ERC1: variants seen among roughly 807,000 people sequenced by gnomAD.
ERC1 encodes ELKS/RAB6-interacting/CAST family member 1.
In ERC1, 56 loss-of-function variants were observed where a neutral mutation model predicts 132.0. The ratio of observed to expected loss-of-function variants is 0.42; its 90% CI spans 0.34 to 0.53. ERC1 has a LOEUF of 0.53. Ranked by LOEUF, ERC1 falls within the 20% of genes least tolerant of loss-of-function variation. ERC1 has a pLI of 0.03. For synonymous variants in ERC1, 478 were observed against 476.1 expected (o/e 1.00, Z -0.05); for missense variants, 1,202 against 1,349.9 (o/e 0.89, Z 1.72).
At chr12:1,164,435 C>T (rs1431228142) in intron 8 of ERC1, among the ~76,000 whole-genome samples, 4 of 152,026 alleles carry the variant, frequency 2.6e-5, no homozygotes, top group South Asian at 2.1e-4. Context: ...CTCTGCCTCC[C>T]GGGTTCACAC....
chr12:1,461,608 C>T (rs1041410566), intron 18 of ERC1, among the ~76,000 whole-genome samples: 2 of 151,970 alleles, frequency 1.3e-5, no homozygotes, highest in African/African-American at 4.8e-5. Flanking sequence ...GCAGAGGTTG[C>T]GTGAGCTGAG....
chr12:1,262,541 T>A (rs2077206746), intron 13 of ERC1, among the ~76,000 whole-genome samples: 1 of 152,262 alleles, frequency 6.6e-6, no homozygotes, highest in African/African-American at 2.4e-5. Flanking sequence ...CTTTTCAATG[T>A]CTTTTAAGAA....
At chr12:1,093,953 T>A (rs368396786) in intron 3 of ERC1, among the ~76,000 whole-genome samples, 6 of 23,796 alleles carry the variant, frequency 2.5e-4, no homozygotes, top group African/African-American at 3.7e-4. Flanking sequence ...ATATATATAT[T>A]TTTCTATATA....
intron 8 of ERC1, among the ~76,000 whole-genome samples, chr12:1,180,240 T>A (rs1954252953): frequency 6.6e-6 from 1 of 150,918 alleles, no homozygotes; most frequent in Non-Finnish European, 1.5e-5. Flanking sequence ...CTACTTTTCT[T>A]ATTTTGTTAG....
At chr12:1,446,459 G>T (rs1157924275) in intron 18 of ERC1, among the ~76,000 whole-genome samples, 1 of 152,100 alleles carries the variant, frequency 6.6e-6, no homozygotes, top group African/African-American at 2.4e-5. Flanking sequence ...ACCAACAGAA[G>T]GCTAAAGAAA....
intron 12 of ERC1, among the ~76,000 whole-genome samples, chr12:1,217,572 C>T (rs1958543522): frequency 6.6e-6 from 1 of 152,176 alleles, no homozygotes; most frequent in African/African-American, 2.4e-5. Context: ...TGTTACCCGT[C>T]AGAATTCTCC....
chr12:1,176,193 A>C (rs1593972660), intron 8 of ERC1, among the ~76,000 whole-genome samples: 1 of 152,242 alleles, frequency 6.6e-6, no homozygotes, highest in Non-Finnish European at 1.5e-5. Context: ...TCCTTGATCC[A>C]TGAGGTGCAG....
intron 17 of ERC1, among the ~76,000 whole-genome samples, chr12:1,442,948 C>T (rs1257596645): frequency 6.6e-6 from 1 of 152,152 alleles, no homozygotes; most frequent in East Asian, 1.9e-4. Context: ...CGCTCTATCG[C>T]TCAGGCTGGA....
chr12:1,121,661 C>CTGTGTCTCTATCTCTATCTCTG (rs1555254383), intron 7 of ERC1, among the ~76,000 whole-genome samples: 1 of 17,294 alleles, frequency 5.8e-5, no homozygotes, highest in Non-Finnish European at 1.8e-4. Flanking sequence ...CTATCTCTAT[C>CTGTGTCTCTATCTCTATCTCTG]TCTATCTCTA....
In ERC1 at chr12:1,205,419, A is replaced by G. The variant is rs1260788954; in HGVS notation, c.2351+15367A>G. Among the ~76,000 whole-genome samples the G allele has an allele frequency of 3.8e-4, 57 of 150,956 alleles. 1 individual carries two copies. Among genetic ancestry groups the G allele is most frequent in the African/African-American group, 1.4e-3 (56 of 41,046 alleles). On this transcript the variant is annotated intron_variant, in intron 12 of 18. Coordinates refer to ENST00000360905, the MANE Select transcript of ERC1 (RefSeq NM_178040.4). The stretch of plus-strand genomic sequence containing the variant: ...TATCTGTGTGTGTGTGTGTGTATAT[A>G]TATATATATAGATATATATTTGCTG...
chr12:1,208,527 C>T (rs1190092544), intron 12 of ERC1, among the ~76,000 whole-genome samples: 1 of 151,992 alleles, frequency 6.6e-6, no homozygotes, highest in African/African-American at 2.4e-5. Flanking sequence ...GTTGTAATAC[C>T]TTTTTAAATT....
At chr12:1,048,130 TC>T (rs1289603842) in intron 2 of ERC1, among the ~76,000 whole-genome samples, 2 of 152,218 alleles carry the variant, frequency 1.3e-5, no homozygotes, top group Admixed American at 1.3e-4. Context: ...AAGTGTTGAC[TC>T]GTTTGTGATG....
At chr12:1,083,792 T>G (rs1283707852) in intron 3 of ERC1, among the ~76,000 whole-genome samples, 1 of 152,200 alleles carries the variant, frequency 6.6e-6, no homozygotes, top group Non-Finnish European at 1.5e-5. Flanking sequence ...TCAGTGACTT[T>G]CTGGGTCTTT....
intron 17 of ERC1, among the ~76,000 whole-genome samples, chr12:1,422,693 C>T (rs938212579): frequency 3.9e-5 from 6 of 152,148 alleles, no homozygotes; most frequent in African/African-American, 1.4e-4. Flanking sequence ...TACTGATTTC[C>T]TTTCCTTTGG....
intron 7 of ERC1, among the ~76,000 whole-genome samples, chr12:1,125,686 G>T (rs1376049216): frequency 2.0e-5 from 3 of 152,016 alleles, no homozygotes; most frequent in African/African-American, 7.2e-5. Context: ...ACGGTGGTGC[G>T]CACCTGTAAT....
rs917201503 is a variant in ERC1 at position 1,419,119 on chromosome 12, C to T, written c.3024+10872C>T. On this transcript the variant is annotated intron_variant, in intron 17 of 18. Transcript: ENST00000360905. ...TGTTATAGGGTTCTCCCCCATTAAC[C>T]TAGCAGTGGATGAAAAAAGAAAATC... Among the ~76,000 whole-genome samples, 3 of 152,078 alleles carry T rather than the reference C, an allele frequency of 2.0e-5. No homozygotes were observed. The South Asian group carries it at 6.2e-4, about 32-fold the overall frequency.
At chr12:1,004,492 C>T (rs1261515707) in intron 1 of ERC1, among the ~76,000 whole-genome samples, 8 of 149,184 alleles carry the variant, frequency 5.4e-5, no homozygotes, top group East Asian at 2.0e-4. Flanking sequence ...CTGCAACCTC[C>T]GCCTCCTGGG....
At chr12:1,138,033 TTATA>T (rs1308375455) in intron 7 of ERC1, among the ~76,000 whole-genome samples, 1 of 127,258 alleles carries the variant, frequency 7.9e-6, no homozygotes, top group East Asian at 2.1e-4. Flanking sequence ...TATTATATAA[TTATA>T]TATAAAATAC....
At chr12:1,436,155 GACACACAC>G (rs139467911) in intron 17 of ERC1, among the ~76,000 whole-genome samples, 5 of 148,728 alleles carry the variant, frequency 3.4e-5, no homozygotes, top group African/African-American at 7.3e-5. Context: ...CAGACAGACG[GACACACAC>G]ACACACACAC....
Sources: gnomAD v4.1 joint callset for allele counts (sites outside exome capture counted in the v4.1 genomes callset) on GRCh38, gnomAD v4.1.1 for gene constraint, MANE v1.5 for transcripts, NCBI Gene and HGNC (gene_info 2026-07-23, HGNC 2026-07-21) for gene names.